CNTNAP2: variants seen among roughly 807,000 people sequenced by gnomAD.
The protein encoded by CNTNAP2 is contactin associated protein 2, also known as contactin-associated protein-like 2.
In CNTNAP2, 98 loss-of-function variants were observed where a neutral mutation model predicts 155.2. The ratio of observed to expected loss-of-function variants is 0.63; its 90% confidence interval spans 0.54 to 0.75. The LOEUF (loss-of-function observed/expected upper bound fraction) is 0.75, where lower values mean the gene tolerates loss of function less well. CNTNAP2 is among the 30% of genes least tolerant of loss of function. The pLI is 0.00. For synonymous variants in CNTNAP2, 651 were observed against 631.2 expected (o/e 1.03, Z -0.47); for missense variants, 1,727 against 1,688.1 (o/e 1.02, Z -0.40).
At chr7:147,716,145 A>G (rs1796478569) in intron 13 of CNTNAP2, among the ~76,000 whole-genome samples, 1 of 152,158 alleles carries the variant, frequency 6.6e-6, no homozygotes, top group Admixed American at 6.6e-5. Flanking sequence ...GCATGTATCC[A>G]CCTACTACTT....
intron 1 of CNTNAP2, among the ~76,000 whole-genome samples, chr7:146,621,402 T>G (rs1302685652): frequency 1.3e-5 from 2 of 152,196 alleles, no homozygotes; most frequent in Non-Finnish European, 2.9e-5. Context: ...TCCTTGGCTT[T>G]CTTTTTTGGT....
intron 1 of CNTNAP2, among the ~76,000 whole-genome samples, chr7:146,324,014 C>T (rs1056590744): frequency 3.3e-5 from 5 of 152,150 alleles, no homozygotes; most frequent in African/African-American, 1.2e-4. Context: ...CTTATAAGGA[C>T]TGTGCATTGG....
chr7:147,486,477 T>C (rs1453951614), intron 11 of CNTNAP2, among the ~76,000 whole-genome samples: 1 of 152,140 alleles, frequency 6.6e-6, no homozygotes, highest in African/African-American at 2.4e-5. Flanking sequence ...GCCTCATGCT[T>C]TAGCCCAACT....
At chr7:147,359,764 CCTT>C (rs1563174258) in intron 9 of CNTNAP2, among the ~76,000 whole-genome samples, 1 of 152,038 alleles carries the variant, frequency 6.6e-6, no homozygotes, top group Admixed American at 6.6e-5. Flanking sequence ...CCAAATGTCA[CCTT>C]CTTGATGAAG....
intron 17 of CNTNAP2, among the ~76,000 whole-genome samples, chr7:148,151,537 C>A (rs1323588053): frequency 6.6e-6 from 1 of 152,094 alleles, no homozygotes; most frequent in Non-Finnish European, 1.5e-5. Flanking sequence ...CTCAAGTGAT[C>A]TGCCCGCCTC....
intron 1 of CNTNAP2, among the ~76,000 whole-genome samples, chr7:146,233,918 A>G (rs914446459): frequency 2.0e-5 from 3 of 150,810 alleles, no homozygotes; most frequent in Non-Finnish European, 4.4e-5. Context: ...TAGTGCTGCA[A>G]TAAACATACG....
At chr7:146,367,609 A>G (rs534838894) in intron 1 of CNTNAP2, among the ~76,000 whole-genome samples, 48 of 152,172 alleles carry the variant, frequency 3.2e-4, no homozygotes, top group African/African-American at 1.2e-3. Flanking sequence ...CCTTTGAGAG[A>G]CTTTAATTTT....
intron 14 of CNTNAP2, among the ~76,000 whole-genome samples, chr7:147,912,788 C>CA (rs2116766279): frequency 6.6e-6 from 1 of 152,300 alleles, no homozygotes; most frequent in South Asian, 2.1e-4. Context: ...AGCCCTACCT[C>CA]AGTTCCTACA....
At chr7:147,018,865 T>G (rs1467370282) in intron 3 of CNTNAP2, among the ~76,000 whole-genome samples, 1 of 152,010 alleles carries the variant, frequency 6.6e-6, no homozygotes, top group East Asian at 1.9e-4. Flanking sequence ...AAAAAGGAGT[T>G]TGAGACCTTA....
intron 1 of CNTNAP2, among the ~76,000 whole-genome samples, chr7:146,246,575 G>C (rs1089603): frequency 0.051 from 7,765 of 150,976 alleles, 456 homozygotes; most frequent in African/African-American, 0.13. Flanking sequence ...ACCCTCCACT[G>C]TGAGAGTTAC....
chr7:148,063,586 ATT>A (rs201810938), intron 15 of CNTNAP2, among the ~76,000 whole-genome samples: 3 of 140,124 alleles, frequency 2.1e-5, no homozygotes, highest in African/African-American at 7.8e-5. Context: ...TCTTTTTTTA[ATT>A]TTTTTTTTTA....
chr7:147,839,093 A>G (rs117185341), intron 13 of CNTNAP2, among the ~76,000 whole-genome samples: 6,742 of 152,294 alleles, frequency 0.044, 270 homozygotes, highest in Admixed American at 0.12. Flanking sequence ...TAGCCAGCAC[A>G]AGAGAAAAAT....
At chr7:147,472,067 T>C (rs546197347) in intron 10 of CNTNAP2, among the ~76,000 whole-genome samples, 47 of 152,308 alleles carry the variant, frequency 3.1e-4, no homozygotes, top group African/African-American at 1.1e-3. Context: ...GCCCTTGTTT[T>C]GCTTCTTCGT....
chr7:147,611,550 G>C (rs1032055272), intron 12 of CNTNAP2, among the ~76,000 whole-genome samples: 3 of 152,154 alleles, frequency 2.0e-5, no homozygotes, highest in Non-Finnish European at 2.9e-5. Context: ...ACACATATGA[G>C]CTCCAAATTG....
intron 13 of CNTNAP2, among the ~76,000 whole-genome samples, chr7:147,702,422 C>T (rs1277491116): frequency 2.0e-5 from 3 of 152,066 alleles, no homozygotes; most frequent in African/African-American, 7.2e-5. Context: ...AAACCTATTT[C>T]TGGACCAAAA....
chr7:146,245,887 T>C (rs1799640189), intron 1 of CNTNAP2, among the ~76,000 whole-genome samples: 1 of 134,556 alleles, frequency 7.4e-6, no homozygotes, highest in Non-Finnish European at 1.5e-5. Context: ...AACAGAATAA[T>C]GGATTGTGGA....
At chr7:147,645,275 G>A (rs1356229715) in intron 13 of CNTNAP2, among the ~76,000 whole-genome samples, 1 of 152,138 alleles carries the variant, frequency 6.6e-6, no homozygotes, top group African/African-American at 2.4e-5. Flanking sequence ...CTTTGGTGCG[G>A]CTATCAAGCA....
At chr7:148,410,601 A>G (rs2116718065) in intron 23 of CNTNAP2, among the ~76,000 whole-genome samples, 1 of 151,666 alleles carries the variant, frequency 6.6e-6, no homozygotes, top group African/African-American at 2.4e-5. Flanking sequence ...GAAAAGGGAA[A>G]TGCCAGTCTG....
intron 1 of CNTNAP2, among the ~76,000 whole-genome samples, chr7:146,372,855 T>C (rs1323644109): frequency 6.6e-6 from 1 of 152,154 alleles, no homozygotes; most frequent in East Asian, 1.9e-4. Flanking sequence ...GAAAAACTCT[T>C]TTCCCTCATG....
Sources: allele counts gnomAD v4.1 joint callset (sites outside exome capture counted in the v4.1 genomes callset), GRCh38; gene constraint gnomAD v4.1.1; transcripts MANE v1.5; gene names NCBI Gene and HGNC (gene_info 2026-07-23, HGNC 2026-07-21).